Variants in EYA2 observed in about 807,000 individuals in gnomAD.
The protein encoded by EYA2 is EYA transcriptional coactivator and phosphatase 2.
EYA2 carries 31 observed loss-of-function variants against 69.2 expected under a neutral mutation model. That is an observed-to-expected ratio of 0.45 (90% CI 0.34 to 0.60). The LOEUF (loss-of-function observed/expected upper bound fraction) is 0.60, where lower values mean the gene tolerates loss of function less well. Among genes scored for constraint, EYA2 ranks in the 20% least tolerant of loss-of-function variants. The probability of loss-of-function intolerance (pLI) is 0.02; values close to 1 mark genes in which losing one functional copy is unlikely to be tolerated. For missense variants in EYA2, 622 were observed against 701.2 expected (o/e 0.89, Z 1.28); for synonymous variants, 257 against 279.4 (o/e 0.92, Z 0.80).
intron 7 of EYA2, among the ~76,000 whole-genome samples, chr20:47,078,957 A>C (rs995516674): frequency 2.0e-5 from 3 of 152,386 alleles, no homozygotes; most frequent in African/African-American, 7.2e-5. Flanking sequence ...CTAGGTACAA[A>C]CACTTAAGTA....
chr20:46,971,638 C>T (rs915873048), intron 1 of EYA2, among the ~76,000 whole-genome samples: 2 of 152,204 alleles, frequency 1.3e-5, no homozygotes, highest in African/African-American at 4.8e-5. Context: ...CAATCTCTAC[C>T]ACGGTGTACT....
intron 9 of EYA2, among the ~76,000 whole-genome samples, chr20:47,117,257 G>A (rs1483222315): frequency 6.6e-6 from 1 of 152,118 alleles, no homozygotes; most frequent in African/African-American, 2.4e-5. Flanking sequence ...TGATCCGCCC[G>A]CCTGGGCCTT....
At chr20:47,077,997 G>A (rs1383282204) in intron 7 of EYA2, among the ~76,000 whole-genome samples, 1 of 152,170 alleles carries the variant, frequency 6.6e-6, no homozygotes, top group East Asian at 1.9e-4. Flanking sequence ...ATAATTCAAT[G>A]GTGAACTGAA....
At chr20:47,048,949 A>G (rs901304903) in intron 5 of EYA2, among the ~76,000 whole-genome samples, 1 of 152,184 alleles carries the variant, frequency 6.6e-6, no homozygotes, top group Non-Finnish European at 1.5e-5. Flanking sequence ...CCAACACGTT[A>G]TGGTACTCAA....
chr20:47,007,615 C>T (rs1416082743), intron 4 of EYA2, among the ~76,000 whole-genome samples: 3 of 151,656 alleles, frequency 2.0e-5, no homozygotes, highest in Non-Finnish European at 4.4e-5. Flanking sequence ...TAATTTTATT[C>T]TTATTTTTAT....
chr20:46,988,650 G>A (rs986954684), intron 1 of EYA2, among the ~76,000 whole-genome samples: 3 of 152,216 alleles, frequency 2.0e-5, no homozygotes, highest in Admixed American at 2.0e-4. Flanking sequence ...GCCATGTACA[G>A]TGGTGTGTGC....
intron 1 of EYA2, among the ~76,000 whole-genome samples, chr20:46,898,074 C>T (rs1418953016): frequency 1.3e-5 from 2 of 151,940 alleles, no homozygotes; most frequent in Non-Finnish European, 2.9e-5. Flanking sequence ...GAGAGGAGAA[C>T]CTGCTCCCCC....
At chr20:47,144,123 C>G (rs1004929847) in intron 10 of EYA2, among the ~76,000 whole-genome samples, 1 of 152,092 alleles carries the variant, frequency 6.6e-6, no homozygotes, top group African/African-American at 2.4e-5. Context: ...TTTGGGAGGC[C>G]GAGGCGGGTG....
intron 1 of EYA2, among the ~76,000 whole-genome samples, chr20:46,983,835 G>A (rs1352183345): frequency 1.3e-5 from 2 of 152,172 alleles, no homozygotes; most frequent in Non-Finnish European, 2.9e-5. Flanking sequence ...TGTCTTGAGG[G>A]GAAAATTGAT....
chr20:47,070,804 G>T (rs2031285078), intron 5 of EYA2, among the ~76,000 whole-genome samples: 1 of 152,000 alleles, frequency 6.6e-6, no homozygotes. Flanking sequence ...ATTTTATGTT[G>T]TATATATACC....
intron 1 of EYA2, among the ~76,000 whole-genome samples, chr20:46,987,923 T>TCC (rs1568706901): frequency 0.011 from 263 of 23,968 alleles, 8 homozygotes; most frequent in South Asian, 0.015. Context: ...TAAGTCTCTC[T>TCC]CTCTCTCTCT....
intron 10 of EYA2, among the ~76,000 whole-genome samples, chr20:47,147,578 G>C (rs2033728438): frequency 6.6e-6 from 1 of 152,204 alleles, no homozygotes; most frequent in Non-Finnish European, 1.5e-5. Flanking sequence ...GTAAGGCTTT[G>C]GGTAACAGCC....
chr20:47,048,158 C>T (rs1235067908), intron 5 of EYA2, among the ~76,000 whole-genome samples: 1 of 152,154 alleles, frequency 6.6e-6, no homozygotes, highest in African/African-American at 2.4e-5. Flanking sequence ...ACCATTATTC[C>T]GCCTACCACA....
intron 1 of EYA2, among the ~76,000 whole-genome samples, chr20:46,940,998 G>A (rs1362694779): frequency 6.6e-6 from 1 of 152,240 alleles, no homozygotes; most frequent in African/African-American, 2.4e-5. Flanking sequence ...TATAAATGGG[G>A]AGGCAACTAT....
chr20:47,115,660 A>ACAC (rs2032870308), intron 9 of EYA2, among the ~76,000 whole-genome samples: 1 of 151,888 alleles, frequency 6.6e-6, no homozygotes, highest in Non-Finnish European at 1.5e-5. Context: ...ACGGGTCTGG[A>ACAC]CAGCTGCCTC....
intron 15 of EYA2, among the ~76,000 whole-genome samples, chr20:47,185,335 G>C (rs6124968): frequency 0.59 from 66,808 of 112,708 alleles, 21,067 homozygotes; most frequent in African/African-American, 0.83. Flanking sequence ...GAATCTCACT[G>C]TGTCGCCCAG....
intron 4 of EYA2, among the ~76,000 whole-genome samples, chr20:47,012,592 C>A (rs1983137382): frequency 6.6e-6 from 1 of 152,212 alleles, no homozygotes; most frequent in Non-Finnish European, 1.5e-5. Context: ...CTTCTAGTTT[C>A]AAGCAATTCT....
At chr20:46,980,420 G>A (rs1193818464) in intron 1 of EYA2, among the ~76,000 whole-genome samples, 2 of 152,084 alleles carry the variant, frequency 1.3e-5, no homozygotes, top group African/African-American at 4.8e-5. Flanking sequence ...GGTGTGGTTC[G>A]TAAGACAAAA....
chr20:46,958,875 G>A (rs913281930), intron 1 of EYA2, among the ~76,000 whole-genome samples: 5 of 152,154 alleles, frequency 3.3e-5, no homozygotes, highest in Non-Finnish European at 2.9e-5. Flanking sequence ...ACGTGATCTC[G>A]TTCTTTATTA....
Sources: gnomAD v4.1 joint callset for allele counts (sites outside exome capture counted in the v4.1 genomes callset) on GRCh38, gnomAD v4.1.1 for gene constraint, MANE v1.5 for transcripts, NCBI Gene and HGNC (gene_info 2026-07-23, HGNC 2026-07-21) for gene names.